ORC5: variants seen among roughly 807,000 people sequenced by gnomAD.
ORC5 encodes origin recognition complex subunit 5.
In ORC5, 39 loss-of-function variants were observed where a neutral mutation model predicts 58.8. The observed-to-expected ratio is 0.66, with a 90% confidence interval of 0.51 to 0.87. ORC5 has a LOEUF of 0.87. Among genes scored for constraint, ORC5 ranks in the 40% least tolerant of loss-of-function variants. The probability of loss-of-function intolerance (pLI) is 0.00; values close to 1 mark genes in which losing one functional copy is unlikely to be tolerated. For synonymous variants in ORC5, 218 were observed against 177.6 expected (o/e 1.23, Z -1.81); for missense variants, 493 against 506.3 (o/e 0.97, Z 0.25).
chr7:104,128,559 A>T (rs1798464802), intron 13 of ORC5, among the ~76,000 whole-genome samples: 1 of 151,916 alleles, frequency 6.6e-6, no homozygotes, highest in Non-Finnish European at 1.5e-5. Context: ...GTTTTAGGGT[A>T]CATGTGCACA....
At chr7:104,171,295 A>G (rs1229078572) in intron 8 of ORC5, among the ~76,000 whole-genome samples, 1 of 152,198 alleles carries the variant, frequency 6.6e-6, no homozygotes, top group East Asian at 1.9e-4. Context: ...ATACCTTTAC[A>G]TGGCTTTTCC....
chr7:104,193,818 T>A (rs1299867898), intron 5 of ORC5, among the ~76,000 whole-genome samples: 1 of 151,726 alleles, frequency 6.6e-6, no homozygotes. Context: ...AAATCTATTA[T>A]CCTATACTCA....
At position 104,136,616 on chromosome 7, in the gene ORC5, A is replaced by G. The variant is rs534403904; in HGVS notation, c.1262+165T>C. Among the ~76,000 whole-genome samples the G allele has an allele frequency of 2.8e-4, 42 of 152,352 alleles. No homozygotes were observed. Among genetic ancestry groups the G allele is most frequent in the African/African-American group, 1.0e-3 (42 of 41,578 alleles). ...TATTAGCTATTTCTCCCAGTTTTACATCATTTGTAAATTTGAGAAGGTTCA... is the reference window on the plus strand; with the variant it reads ...TATTAGCTATTTCTCCCAGTTTTACGTCATTTGTAAATTTGAGAAGGTTCA... On this transcript the variant is annotated intron_variant, in intron 13 of 13. Coordinates refer to ENST00000297431, the MANE Select transcript of ORC5 (RefSeq NM_002553.4). This position sits in a 1 kb window ranked among gnomAD's most constrained non-coding sequence, Gnocchi z 4.2.
intron 13 of ORC5, among the ~76,000 whole-genome samples, chr7:104,135,254 G>T (rs934565108): frequency 6.6e-6 from 1 of 152,120 alleles, no homozygotes; most frequent in Non-Finnish European, 1.5e-5. Flanking sequence ...TAGATATAAA[G>T]TTCCAATATA....
chr7:104,183,229 T>G (rs994281802), intron 8 of ORC5, among the ~76,000 whole-genome samples: 3 of 139,460 alleles, frequency 2.2e-5, no homozygotes, highest in African/African-American at 1.0e-4. Flanking sequence ...ACACACAAAA[T>G]TAACTTAACA....
At chr7:104,178,362 C>T (rs1262400461) in intron 8 of ORC5, among the ~76,000 whole-genome samples, 1 of 152,158 alleles carries the variant, frequency 6.6e-6, no homozygotes, top group Non-Finnish European at 1.5e-5. Context: ...TAAATGTCTT[C>T]TTTTGAGAAG....
rs1450386082 is a variant in ORC5 at position 104,126,961 on chromosome 7, G to A, written c.1263-68C>T. The A allele has an allele frequency of 2.7e-6, 3 of 1,104,466 alleles. No homozygotes were observed. The East Asian group carries it at 7.5e-5, about 28-fold the overall frequency. 68.4% of individuals were successfully genotyped at this position (1,104,466 alleles called of 1,614,324 possible). ...GATTGCTCAGCTTTGTATGATTCTG[G>A]AAAGCACATGCAAAATAATTCATGA... On this transcript the variant is annotated intron_variant, in intron 13 of 13. Transcript: ENST00000297431.
At chr7:104,137,748 A>G (rs1798613261) in intron 12 of ORC5, among the ~76,000 whole-genome samples, 1 of 152,078 alleles carries the variant, frequency 6.6e-6, no homozygotes, top group Non-Finnish European at 1.5e-5. Context: ...ACTTCAGGGG[A>G]AAACCACCTT....
intron 8 of ORC5, among the ~76,000 whole-genome samples, chr7:104,181,863 A>T (rs1270378556): frequency 6.6e-6 from 1 of 151,868 alleles, no homozygotes; most frequent in East Asian, 1.9e-4. Flanking sequence ...ACAGTGAGTG[A>T]GTAAAAAATG....
At chr7:104,154,487 A>T (rs1484684336) in intron 12 of ORC5, among the ~76,000 whole-genome samples, 1 of 152,024 alleles carries the variant, frequency 6.6e-6, no homozygotes, top group African/African-American at 2.4e-5. Context: ...CTTCACAGTA[A>T]ATACATATAT....
intron 4 of ORC5, among the ~76,000 whole-genome samples, chr7:104,195,480 T>C (rs758656484): frequency 7.2e-5 from 11 of 152,184 alleles, no homozygotes; most frequent in Non-Finnish European, 1.5e-4. Context: ...CAGCTCACTG[T>C]GGCCTCAACC....
intron 12 of ORC5, among the ~76,000 whole-genome samples, chr7:104,149,534 C>A (rs1160488511): frequency 2.0e-5 from 3 of 152,072 alleles, no homozygotes; most frequent in African/African-American, 4.8e-5. Flanking sequence ...AAATACAGAA[C>A]AAAGTTTTGT....
chr7:104,136,791 C>T lies in ORC5; in HGVS notation c.1252G>A (p.Ala418Thr). 6.2e-7 allele frequency: 1 copy of T among 1,606,934 alleles called. No homozygotes were observed. Among genetic ancestry groups the T allele is most frequent in the African/African-American group, 1.3e-5 (1 of 74,880 alleles). The change falls in exon 13 of 14, where the codon GCT becomes ACT. Residue 418 changes from alanine to threonine, a missense_variant. By Grantham distance (58) the Ala-to-Thr change is moderately conservative (BLOSUM62 0). This residue lies in a region of ORC5 where 77 missense variants were observed against 86.1 expected (regional missense o/e 0.89). Transcript: ENST00000297431. This position sits in a 1 kb window ranked among gnomAD's most constrained non-coding sequence, Gnocchi z 4.2. ...KCTVSLDFIR[A>T]IARTVNFDII... The stretch of plus-strand genomic sequence containing the variant: ...TTCAAGACATTTTACCTTGCAATAG[C>T]TCTGATGAAGTCTAGAGACACTGTG...
At chr7:104,145,925 A>G (rs769534474) in intron 12 of ORC5, among the ~76,000 whole-genome samples, 3 of 152,220 alleles carry the variant, frequency 2.0e-5, no homozygotes, top group Non-Finnish European at 4.4e-5. Context: ...TGGCAATTCT[A>G]TATCTAGCAA....
intron 4 of ORC5, among the ~76,000 whole-genome samples, chr7:104,195,890 T>A (rs1168773391): frequency 2.6e-5 from 4 of 152,212 alleles, no homozygotes; most frequent in African/African-American, 9.6e-5. Context: ...AAATTGGTAA[T>A]GTTCTCATCT....
intron 1 of ORC5, among the ~76,000 whole-genome samples, chr7:104,205,918 G>A (rs938566000): frequency 6.6e-6 from 1 of 152,136 alleles, no homozygotes; most frequent in Non-Finnish European, 1.5e-5. Flanking sequence ...TGAGGTGGGC[G>A]GACTGCTTGA....
At chr7:104,140,233 C>T (rs1489286879) in intron 12 of ORC5, among the ~76,000 whole-genome samples, 2 of 151,964 alleles carry the variant, frequency 1.3e-5, no homozygotes. Flanking sequence ...CAACTTTTAC[C>T]TTTCATTAGG....
chr7:104,200,403 T>C (rs1224526882), intron 3 of ORC5, among the ~76,000 whole-genome samples: 1 of 152,204 alleles, frequency 6.6e-6, no homozygotes, highest in African/African-American at 2.4e-5. Flanking sequence ...TTTACTTATA[T>C]AATTCTATCT....
At chr7:104,199,796 T>C (rs1252853441) in intron 3 of ORC5, among the ~76,000 whole-genome samples, 1 of 152,192 alleles carries the variant, frequency 6.6e-6, no homozygotes, top group African/African-American at 2.4e-5. Context: ...GAAACCGACA[T>C]GAGATTTGGG....
Sources: gnomAD v4.1 joint callset for allele counts (sites outside exome capture counted in the v4.1 genomes callset) on GRCh38, gnomAD v4.1.1 for gene constraint, gnomAD v4.1.1 regional missense constraint, Gnocchi (gnomAD v3.1) non-coding constraint, MANE v1.5 for transcripts, NCBI Gene and HGNC (gene_info 2026-07-23, HGNC 2026-07-21) for gene names.